Variants in RALGPS2 observed in about 807,000 individuals in gnomAD.
The protein encoded by RALGPS2 is ras-specific guanine nucleotide-releasing factor RalGPS2.
In RALGPS2, 43 loss-of-function variants were observed where a neutral mutation model predicts 86.8. The ratio of observed to expected loss-of-function variants is 0.50; its 90% CI spans 0.39 to 0.64. The LOEUF (loss-of-function observed/expected upper bound fraction) is 0.64, where lower values mean the gene tolerates loss of function less well. Among genes scored for constraint, RALGPS2 ranks in the 30% least tolerant of loss-of-function variants. RALGPS2 has a pLI of 0.00. For missense variants in RALGPS2, 536 were observed against 694.6 expected (o/e 0.77, Z 2.57); for synonymous variants, 243 against 231.3 (o/e 1.05, Z -0.46).
chr1:178,730,143 T>A (rs1288904676), intron 1 of RALGPS2, among the ~76,000 whole-genome samples: 2 of 152,156 alleles, frequency 1.3e-5, no homozygotes, highest in Non-Finnish European at 2.9e-5. Context: ...GTTTTCACCA[T>A]GTTGGCCAGG....
At chr1:178,854,036 C>A (rs906834793) in intron 8 of RALGPS2, among the ~76,000 whole-genome samples, 1 of 151,924 alleles carries the variant, frequency 6.6e-6, no homozygotes, top group Admixed American at 6.6e-5. Context: ...AATCCTAATA[C>A]ATGTAGAAAA....
chr1:178,760,538 C>T (rs1013867463), intron 1 of RALGPS2, among the ~76,000 whole-genome samples: 5 of 152,078 alleles, frequency 3.3e-5, no homozygotes, highest in African/African-American at 1.2e-4. Flanking sequence ...GATCTTTCTC[C>T]AGCTCTTTAC....
At chr1:178,848,584 G>A (rs571345454) in intron 8 of RALGPS2, among the ~76,000 whole-genome samples, 1 of 152,284 alleles carries the variant, frequency 6.6e-6, no homozygotes, top group South Asian at 2.1e-4. Context: ...TACTATAACA[G>A]CTGTCATGGC....
intron 19 of RALGPS2, among the ~76,000 whole-genome samples, chr1:178,908,027 A>G (rs946520773): frequency 5.3e-5 from 8 of 152,248 alleles, no homozygotes; most frequent in Non-Finnish European, 4.4e-5. Context: ...TGTATAAATG[A>G]TCCTGTCACC....
chr1:178,739,007 TTTC>T (rs1327028897), intron 1 of RALGPS2, among the ~76,000 whole-genome samples: 10 of 152,362 alleles, frequency 6.6e-5, no homozygotes, highest in African/African-American at 2.4e-4. Flanking sequence ...TTCTGTTGCT[TTTC>T]TTAAGCTACA....
chr1:178,776,523 A>G (rs1050353543), intron 1 of RALGPS2, among the ~76,000 whole-genome samples, 159 bp from the exon 2 acceptor site: 2 of 152,240 alleles, frequency 1.3e-5, no homozygotes, highest in African/African-American at 4.8e-5. Context: ...TGAAAAGAGC[A>G]TACAAGATTG....
chr1:178,892,427 C>A, intron 15 of RALGPS2, 120 bp downstream of exon 15: 1 of 769,006 alleles, frequency 1.3e-6, no homozygotes, highest in Admixed American at 2.8e-5. Context: ...AAAAACTAAA[C>A]AAATTACCTA....
chr1:178,843,559 C>G (rs1052928830), intron 8 of RALGPS2, among the ~76,000 whole-genome samples: 1 of 145,242 alleles, frequency 6.9e-6, no homozygotes, highest in East Asian at 2.0e-4. Flanking sequence ...TGCTAGATGA[C>G]GAGTTAGTGG....
At chr1:178,815,758 C>T (rs1655196670) in intron 6 of RALGPS2, among the ~76,000 whole-genome samples, 1 of 152,024 alleles carries the variant, frequency 6.6e-6, no homozygotes, top group African/African-American at 2.4e-5. Flanking sequence ...TCCCAAACAA[C>T]ATTTCCTCCA....
chr1:178,891,105 G>A (rs940005475), intron 14 of RALGPS2, among the ~76,000 whole-genome samples: 14 of 151,982 alleles, frequency 9.2e-5, no homozygotes, highest in African/African-American at 3.1e-4. Flanking sequence ...ATCCCAGCAG[G>A]TTACTTATGA....
intron 8 of RALGPS2, among the ~76,000 whole-genome samples, chr1:178,838,394 G>A (rs1309213124): frequency 1.3e-5 from 2 of 152,194 alleles, no homozygotes; most frequent in Non-Finnish European, 2.9e-5. Context: ...AGCCTCCGCT[G>A]CTGATATCCC....
At chr1:178,849,626 T>C (rs1164729305) in intron 8 of RALGPS2, 2 of 152,208 alleles carry the variant, frequency 1.3e-5, no homozygotes, top group Non-Finnish European at 2.9e-5. Flanking sequence ...TAACAGATTC[T>C]TTGGTTCTGA....
intron 8 of RALGPS2, among the ~76,000 whole-genome samples, chr1:178,842,874 T>C (rs1222419314): frequency 3.4e-5 from 5 of 147,694 alleles, no homozygotes; most frequent in African/African-American, 1.2e-4. Context: ...AAAGAAGACA[T>C]TTATGCAGCC....
chr1:178,835,392 C>CTTTTTTTTTTTTT (rs71297889), intron 8 of RALGPS2, among the ~76,000 whole-genome samples: 2 of 122,032 alleles, frequency 1.6e-5, no homozygotes, highest in Non-Finnish European at 1.7e-5. Context: ...TCTTTCTTTT[C>CTTTTTTTTTTTTT]TTTTTTTTTT....
At chr1:178,756,904 T>A (rs1284111517) in intron 1 of RALGPS2, among the ~76,000 whole-genome samples, 2 of 152,200 alleles carry the variant, frequency 1.3e-5, no homozygotes, top group African/African-American at 2.4e-5. Flanking sequence ...CTTAATTTTT[T>A]TGATTCTTTC....
intron 4 of RALGPS2, among the ~76,000 whole-genome samples, chr1:178,788,570 GTGTT>G (rs959764181): frequency 1.3e-4 from 20 of 152,304 alleles, no homozygotes; most frequent in African/African-American, 4.8e-4. Flanking sequence ...AGCCATATGA[GTGTT>G]TGGGGAAATA....
rs1653641055 is a variant in RALGPS2, at chr1:178,786,182, T to A, written c.213+575T>A. ...GGTGGTAGAGGTGGAAGAAAATCCG[T>A]GTATAAGTAGACCCATGTGTTGTTT... On this transcript the variant is annotated intron_variant, in intron 4 of 19. Coordinates refer to ENST00000367635, the MANE Select transcript of RALGPS2 (RefSeq NM_152663.5). Among the ~76,000 whole-genome samples the A allele has an allele frequency of 4.6e-5, 7 of 152,152 alleles. No individual in the cohort carries two copies. The South Asian group carries it at 1.4e-3, about 32-fold the overall frequency.
intron 8 of RALGPS2, among the ~76,000 whole-genome samples, chr1:178,865,960 A>C (rs1411451782): frequency 6.6e-6 from 1 of 152,220 alleles, no homozygotes; most frequent in Non-Finnish European, 1.5e-5. Context: ...TCTTAAATTT[A>C]ATATTAAGTT....
chr1:178,852,378 G>A (rs1036899064), intron 8 of RALGPS2, among the ~76,000 whole-genome samples: 1 of 152,180 alleles, frequency 6.6e-6, no homozygotes, highest in Non-Finnish European at 1.5e-5. Flanking sequence ...CCTGGCACGT[G>A]GTAGGTGTTC....
Sources: allele counts gnomAD v4.1 joint callset (sites outside exome capture counted in the v4.1 genomes callset), GRCh38; gene constraint gnomAD v4.1.1; transcripts MANE v1.5; gene names NCBI Gene and HGNC (gene_info 2026-07-23, HGNC 2026-07-21).